ALG6: variants seen among roughly 807,000 people sequenced by gnomAD.
ALG6 encodes dolichyl pyrophosphate Man9GlcNAc2 alpha-1,3-glucosyltransferase.
In ALG6, 46 loss-of-function variants were observed where a neutral mutation model predicts 66.6. That is an observed-to-expected ratio of 0.69 (90% CI 0.55 to 0.88). The LOEUF is 0.88. ALG6 is among the 40% of genes least tolerant of loss of function. The probability of loss-of-function intolerance (pLI) is 0.00; values close to 1 mark genes in which losing one functional copy is unlikely to be tolerated. For synonymous variants in ALG6, 185 were observed against 203.7 expected, an observed-to-expected ratio of 0.91 and a Z score of 0.78; for missense variants, 505 against 586.8, an observed-to-expected ratio of 0.86 and a Z score of 1.44.
chr1:63,368,410 C>T (rs1226489058), intron 1 of ALG6, among the ~76,000 whole-genome samples: 1 of 152,128 alleles, frequency 6.6e-6, no homozygotes, highest in African/African-American at 2.4e-5. Context: ...CACTGTTCTA[C>T]AAGTGGGGAA....
intron 2 of ALG6, among the ~76,000 whole-genome samples, chr1:63,386,816 T>C (rs1434829478): frequency 6.6e-6 from 1 of 152,178 alleles, no homozygotes; most frequent in Non-Finnish European, 1.5e-5. Flanking sequence ...CTTTACTATT[T>C]CTTCTACTAA....
chr1:63,384,335 G>C (rs1190437365), intron 2 of ALG6, among the ~76,000 whole-genome samples: 1 of 151,852 alleles, frequency 6.6e-6, no homozygotes, highest in Non-Finnish European at 1.5e-5. Context: ...TTTTTAATTG[G>C]GTTATTTAAT....
intron 2 of ALG6, among the ~76,000 whole-genome samples, chr1:63,378,856 ATTTG>A (rs933568753): frequency 5.1e-5 from 7 of 138,094 alleles, no homozygotes; most frequent in Non-Finnish European, 4.6e-5. Context: ...GCTGTGCTTA[ATTTG>A]TTTGTTTTTT....
At chr1:63,431,447 C>CA (rs1644644830) in intron 14 of ALG6, among the ~76,000 whole-genome samples, 1 of 152,074 alleles carries the variant, frequency 6.6e-6, no homozygotes, top group African/African-American at 2.4e-5. Context: ...GACAAGGTCT[C>CA]ACTTTGTTGC....
intron 8 of ALG6, 69 bp from the exon 9 acceptor site, chr1:63,411,857 G>A (rs1484371779): frequency 2.5e-6 from 4 of 1,595,004 alleles, no homozygotes; most frequent in Non-Finnish European, 3.4e-6. Context: ...TGTTCAGTGA[G>A]ACTCAGGTTG....
intron 2 of ALG6, among the ~76,000 whole-genome samples, chr1:63,383,002 G>A (rs186351558): frequency 1.3e-5 from 2 of 151,480 alleles, no homozygotes; most frequent in African/African-American, 2.4e-5. Flanking sequence ...TAGCAGAGTC[G>A]GGGTTTTACC....
intron 12 of ALG6, among the ~76,000 whole-genome samples, chr1:63,422,347 ATATATC>A (rs1357404631): frequency 2.8e-5 from 3 of 106,448 alleles, no homozygotes; most frequent in African/African-American, 1.3e-4. Flanking sequence ...GAATATAAAT[ATATATC>A]TATATAAATA....
At chr1:63,423,560 T>C (rs1557595878) in intron 12 of ALG6, among the ~76,000 whole-genome samples, 1 of 152,192 alleles carries the variant, frequency 6.6e-6, no homozygotes, top group Admixed American at 6.5e-5. Context: ...TCTGCAAATC[T>C]CTGTGGATTT....
intron 14 of ALG6, chr1:63,429,447 T>C (rs947403350): frequency 8.1e-6 from 2 of 247,758 alleles, no homozygotes; most frequent in Non-Finnish European, 1.6e-5. Context: ...GGACATTGCA[T>C]ATAAATGGAA....
In ALG6 at chr1:63,385,184, C is replaced by CTTTT. The variant is rs1165046824; in HGVS notation, c.83-11299_83-11296dup. 2.1e-3 allele frequency among the ~76,000 whole-genome samples: 122 copies of CTTTT among 58,864 alleles called. 9 individuals are homozygous for CTTTT. Among genetic ancestry groups the CTTTT allele is most frequent in the East Asian group, 3.3e-3 (6 of 1,828 alleles). The allele number at this position is 58,864 out of a possible 152,430, so 38.6% of individuals were successfully genotyped here. On this transcript the variant is annotated intron_variant, in intron 2 of 14. Coordinates refer to ENST00000263440, the MANE Select transcript of ALG6 (RefSeq NM_013339.4). The stretch of plus-strand genomic sequence containing the variant: ...TTTTTATTAAGATCTTTTACTTCTT[C>CTTTT]TTTTTTTTTTTTTTTTTTTTTTTTT...
intron 2 of ALG6, among the ~76,000 whole-genome samples, chr1:63,375,313 C>T (rs1158998731): frequency 2.0e-5 from 3 of 150,920 alleles, no homozygotes; most frequent in East Asian, 2.0e-4. Context: ...GGTGCAATCT[C>T]GGCTCACTAC....
chr1:63,374,508 G>A (rs907977540), intron 2 of ALG6, among the ~76,000 whole-genome samples: 1 of 151,896 alleles, frequency 6.6e-6, no homozygotes, highest in Admixed American at 6.6e-5. Flanking sequence ...GGTGCCTGTA[G>A]TCCCAGCTAT....
rs768726497 is a variant in ALG6 at position 63,396,520 on chromosome 1, T to C, written c.90T>C (p.Gly30=). ...TTTTACCTTTGATCTTAGGTGCTGG[T>C]AAACCGCCTATGTTTGGTGATTATG... The part of the protein sequence containing the change: ...TVSLNSYSGA[G]KPPMFGDYEA... Residue 30 remains glycine, a synonymous_variant, in exon 3 of 15, where the codon GGT becomes GGC. Coordinates refer to ENST00000263440, the MANE Select transcript of ALG6 (RefSeq NM_013339.4). 4.3e-6 allele frequency: 7 copies of C among 1,613,962 alleles called. No individual in the cohort carries two copies. Among genetic ancestry groups the C allele is most frequent in the South Asian group, 1.1e-5 (1 of 91,080 alleles).
intron 3 of ALG6, 47 bp from the exon 4 acceptor site, chr1:63,402,207 G>C (rs1644467987): frequency 8.8e-7 from 1 of 1,131,060 alleles, no homozygotes; most frequent in African/African-American, 1.5e-5. Context: ...TCTACTTCTT[G>C]AATATTGATT....
rs547826487 is a variant in ALG6, at chr1:63,426,253, A to T, written c.1059-2480A>T. Among the ~76,000 whole-genome samples, 18 of 152,190 alleles carry T rather than the reference A, an allele frequency of 1.2e-4. No individual in the cohort carries two copies. The South Asian group carries it at 3.1e-3, about 26-fold the overall frequency. ...AGATTATTAGGGTGGAGAGAGGGAG[A>T]ACTGGTAGGAAAGTAGTGAGGAAGA... On this transcript the variant is annotated intron_variant, in intron 12 of 14. Coordinates refer to ENST00000263440, the MANE Select transcript of ALG6 (RefSeq NM_013339.4).
chr1:63,422,282 T>TATATATATAA lies in ALG6; in HGVS notation c.1058+2850_1058+2851insAAATATATAT, dbSNP rs1644585891. 1.9e-5 allele frequency among the ~76,000 whole-genome samples: 2 copies of TATATATATAA among 104,778 alleles called. 1 individual carries two copies. Among genetic ancestry groups the TATATATATAA allele is most frequent in the Non-Finnish European group, 3.5e-5 (2 of 57,196 alleles). 68.7% of individuals were successfully genotyped at this position (104,778 alleles called of 152,430 possible). ...ATATAGATATAAATATATATATAAATATATATATTTATATAGATATAAATA... is the reference window on the plus strand; with the variant it reads ...ATATAGATATAAATATATATATAAATATATATATAAATATATATTTATATAGATATAAATA... On this transcript the variant is annotated intron_variant, in intron 12 of 14. Transcript: ENST00000263440.
intron 12 of ALG6, among the ~76,000 whole-genome samples, chr1:63,422,410 TATAA>T (rs1462836370): frequency 2.1e-4 from 7 of 34,118 alleles, no homozygotes; most frequent in African/African-American, 6.5e-4. Flanking sequence ...TCTATATAAA[TATAA>T]ATATATATAT....
At chr1:63,432,830 A>G (rs1644654459) in intron 14 of ALG6, among the ~76,000 whole-genome samples, 1 of 152,158 alleles carries the variant, frequency 6.6e-6, no homozygotes, top group African/African-American at 2.4e-5. Context: ...GCGGTGGTGC[A>G]TTTTTAACTC....
Position 63,371,024 on chromosome 1 carries a change from C to T in ALG6, c.47C>T (p.Thr16Ile), listed in dbSNP as rs1647907677. ...ACAGTAGTGGTTTTAATAGGACTAA[C>T]AGTACGATGGACAGTGTCTCTTAAT... is the stretch of plus-strand genomic sequence containing the variant. ...LMTVVVLIGL[T>I]VRWTVSLNSY... Residue 16 changes from threonine to isoleucine, a missense_variant, in exon 2 of 15, where the codon ACA becomes ATA. Transcript: ENST00000263440. 4 of 1,610,448 alleles carry T rather than the reference C, an allele frequency of 2.5e-6. No individual in the cohort carries two copies. In the South Asian group the frequency reaches 3.3e-5, roughly 13 times the overall value.
Sources: gnomAD v4.1 joint callset for allele counts (sites outside exome capture counted in the v4.1 genomes callset) on GRCh38, gnomAD v4.1.1 for gene constraint, MANE v1.5 for transcripts, NCBI Gene and HGNC (gene_info 2026-07-23, HGNC 2026-07-21) for gene names.